PDZK1: variants seen among roughly 807,000 people sequenced by gnomAD.
The protein encoded by PDZK1 is Na(+)/H(+) exchange regulatory cofactor NHE-RF3.
A neutral mutation model predicts 38.1 loss-of-function variants in PDZK1; 23 were observed. The observed-to-expected ratio is 0.60, with a 90% CI of 0.43 to 0.85. PDZK1 has a LOEUF of 0.85. Ranked by LOEUF, PDZK1 falls within the 40% of genes least tolerant of loss-of-function variation. PDZK1 has a pLI of 0.00. For synonymous variants in PDZK1, 98 were observed against 186.2 expected, an observed-to-expected ratio of 0.53 and a Z score of 3.86; for missense variants, 297 against 504.3, an observed-to-expected ratio of 0.59 and a Z score of 3.94.
At chr1:145,685,918 G>A (rs1259596925) in intron 3 of PDZK1, among the ~76,000 whole-genome samples, 1 of 152,114 alleles carries the variant, frequency 6.6e-6, no homozygotes, top group Non-Finnish European at 1.5e-5. Flanking sequence ...GGGCTGAGCC[G>A]CAGCTGAGGG....
At chr1:145,687,524 C>CAAAAAAAA (rs11420111) in intron 2 of PDZK1, among the ~76,000 whole-genome samples, 1 of 64,622 alleles carries the variant, frequency 1.5e-5, no homozygotes, top group Non-Finnish European at 2.9e-5. Flanking sequence ...AACTCCATCT[C>CAAAAAAAA]AAAAAAAAAA....
At chr1:145,692,824 G>A (rs1306505060) in intron 1 of PDZK1, among the ~76,000 whole-genome samples, 1 of 151,942 alleles carries the variant, frequency 6.6e-6, no homozygotes, top group African/African-American at 2.4e-5. Flanking sequence ...AACGAGGTCA[G>A]GAGATCAAAA....
At chr1:145,697,763 ATTTTTTTTTTTTTTTTTTTTTTTT>A (rs10564713) in intron 1 of PDZK1, among the ~76,000 whole-genome samples, 1 of 44,940 alleles carries the variant, frequency 2.2e-5, no homozygotes, top group African/African-American at 9.8e-5. Context: ...TGCCCAGCTA[ATTTTTTTTTTTTTTTTTTTTTTTT>A]TTTTTTTTTT....
intron 5 of PDZK1, among the ~76,000 whole-genome samples, chr1:145,680,121 G>T (rs1424299945): frequency 6.6e-6 from 1 of 152,070 alleles, no homozygotes; most frequent in Non-Finnish European, 1.5e-5. Flanking sequence ...TGCTTGATCT[G>T]CCCCTGTATG....
chr1:145,691,414 C>A (rs1206335735), intron 1 of PDZK1, among the ~76,000 whole-genome samples: 1 of 152,106 alleles, frequency 6.6e-6, no homozygotes, highest in Non-Finnish European at 1.5e-5. Flanking sequence ...TGCTCCATGA[C>A]AAGGATGCCT....
At chr1:145,671,516 C>A (rs1232410436) in intron 8 of PDZK1, 27 bp from the exon 9 acceptor site, 2 of 1,426,696 alleles carry the variant, frequency 1.4e-6, no homozygotes, top group Non-Finnish European at 2.0e-6. Context: ...AAAGAATTTA[C>A]AAATGGTAGA....
intron 6 of PDZK1, among the ~76,000 whole-genome samples, chr1:145,674,918 A>G (rs1404806814): frequency 2.0e-5 from 3 of 152,184 alleles, no homozygotes; most frequent in Non-Finnish European, 4.4e-5. Context: ...AGACCAACCC[A>G]TATACACAGG....
chr1:145,679,703 T>G (rs1654045854), intron 5 of PDZK1, among the ~76,000 whole-genome samples: 1 of 152,198 alleles, frequency 6.6e-6, no homozygotes, highest in Admixed American at 6.5e-5. Context: ...TCAGCAGTTC[T>G]TCTTGCATAA....
intron 2 of PDZK1, among the ~76,000 whole-genome samples, chr1:145,687,414 A>G (rs1654879213): frequency 1.3e-5 from 2 of 150,250 alleles, no homozygotes; most frequent in South Asian, 4.2e-4. Flanking sequence ...AGTCCCAGCT[A>G]CTTGGGAGGC....
At chr1:145,687,524 CAAAAAAAAAAA>C (rs11420111) in intron 2 of PDZK1, among the ~76,000 whole-genome samples, 93 of 64,634 alleles carry the variant, frequency 1.4e-3, no homozygotes, top group Non-Finnish European at 1.9e-3. Flanking sequence ...AACTCCATCT[CAAAAAAAAAAA>C]AAAAAAAAAA....
At chr1:145,677,009 C>T (rs1243194604) in intron 6 of PDZK1, among the ~76,000 whole-genome samples, 12 of 152,198 alleles carry the variant, frequency 7.9e-5, no homozygotes, top group Admixed American at 7.9e-4. Context: ...GCTACTACCC[C>T]TCTCTTACAA....
chr1:145,675,782 C>G (rs1398193092), intron 6 of PDZK1, among the ~76,000 whole-genome samples: 1 of 151,764 alleles, frequency 6.6e-6, no homozygotes, highest in Non-Finnish European at 1.5e-5. Flanking sequence ...TTTGGGAGTA[C>G]AAGGTGGGCG....
At chr1:145,672,682 C>G (rs374391601) in intron 8 of PDZK1, 48 bp downstream of exon 8, 89 of 1,607,468 alleles carry the variant, frequency 5.5e-5, no homozygotes, top group Middle Eastern at 2.3e-4. Flanking sequence ...GGGACTGTAC[C>G]CATACTCTAG....
Position 145,687,929 on chromosome 1 carries a change from C to T in PDZK1, c.93G>A (p.Glu31=), listed in dbSNP as rs782475539. The change falls in exon 2 of 9, where the codon GAG becomes GAA. Residue 31 remains glutamate, a synonymous_variant. Coordinates refer to ENST00000417171, the MANE Select transcript of PDZK1 (RefSeq NM_001201325.2). ...GFFLRIEKDT[E]GHLVRVVEKC... ...TCTCAACCACCCGGACCAGGTGGCC[C>T]TCGGTGTCCTTCTCAATTCGCAGGA... 6.2e-7 allele frequency: 1 copy of T among 1,612,772 alleles called. No individual in the cohort carries two copies. Among genetic ancestry groups the T allele is most frequent in the South Asian group, 1.1e-5 (1 of 90,976 alleles).
intron 1 of PDZK1, among the ~76,000 whole-genome samples, chr1:145,693,792 T>G (rs1655456284): frequency 6.7e-6 from 1 of 149,922 alleles, no homozygotes; most frequent in South Asian, 2.1e-4. Flanking sequence ...AAAATCACCC[T>G]AGGCTGCCTC....
At chr1:145,679,443 T>C (rs1654024799) in intron 5 of PDZK1, among the ~76,000 whole-genome samples, 1 of 152,106 alleles carries the variant, frequency 6.6e-6, no homozygotes, top group South Asian at 2.1e-4. Flanking sequence ...ACCTTACACA[T>C]CCCACTTCCT....
intron 1 of PDZK1, among the ~76,000 whole-genome samples, chr1:145,694,227 C>G (rs1414943412): frequency 2.6e-5 from 4 of 152,232 alleles, no homozygotes; most frequent in Non-Finnish European, 5.9e-5. Context: ...CTCCTCCAAA[C>G]CTATGGGCAG....
At chr1:145,699,748 C>G (rs906686090) in intron 1 of PDZK1, among the ~76,000 whole-genome samples, 1 of 152,148 alleles carries the variant, frequency 6.6e-6, no homozygotes, top group Non-Finnish European at 1.5e-5. Context: ...TTTCCATCTT[C>G]CCCCAGGATC....
At chr1:145,675,637 C>T (rs587647615) in intron 6 of PDZK1, among the ~76,000 whole-genome samples, 2 of 151,944 alleles carry the variant, frequency 1.3e-5, no homozygotes, top group South Asian at 2.1e-4. Context: ...TGCAAAAATA[C>T]GTCTGATAAC....
Sources: gnomAD v4.1 joint callset for allele counts (sites outside exome capture counted in the v4.1 genomes callset) on GRCh38, gnomAD v4.1.1 for gene constraint, MANE v1.5 for transcripts, NCBI Gene and HGNC (gene_info 2026-07-23, HGNC 2026-07-21) for gene names.